The following HIKESHI variants were observed in gnomAD, a reference collection of about 807,000 sequenced individuals.
The protein encoded by HIKESHI is protein Hikeshi.
In HIKESHI, 13 loss-of-function variants were observed where a neutral mutation model predicts 25.7. The ratio of observed to expected loss-of-function variants is 0.51; its 90% CI spans 0.33 to 0.80. The LOEUF (loss-of-function observed/expected upper bound fraction) is 0.80. Among genes scored for constraint, HIKESHI ranks in the 30% least tolerant of loss-of-function variants. The pLI, the probability that HIKESHI is intolerant of heterozygous loss-of-function variation, is 0.02. For synonymous variants in HIKESHI, 76 were observed against 78.7 expected (o/e 0.97, Z 0.18); for missense variants, 174 against 229.5 (o/e 0.76, Z 1.56).
At chr11:86,310,410 T>G (rs1433519880) in intron 2 of HIKESHI, among the ~76,000 whole-genome samples, 1 of 152,232 alleles carries the variant, frequency 6.6e-6, no homozygotes, top group African/African-American at 2.4e-5. Flanking sequence ...TTTTGCACAT[T>G]GATTTTGTAT....
chr11:86,328,694 G>A (rs1291309518), intron 2 of HIKESHI, among the ~76,000 whole-genome samples: 6 of 151,768 alleles, frequency 4.0e-5, no homozygotes, highest in African/African-American at 7.3e-5. Flanking sequence ...CTCCTGCCTC[G>A]GGCTTCCAAA....
intron 2 of HIKESHI, among the ~76,000 whole-genome samples, chr11:86,330,761 A>C (rs1947400769): frequency 6.6e-6 from 1 of 152,140 alleles, no homozygotes; most frequent in Non-Finnish European, 1.5e-5. Context: ...TACTTTTTGA[A>C]ATTTTTTTTC....
chr11:86,329,499 G>A (rs1947366312), intron 2 of HIKESHI, among the ~76,000 whole-genome samples: 1 of 151,636 alleles, frequency 6.6e-6, no homozygotes, highest in African/African-American at 2.4e-5. Flanking sequence ...GTAGCTTTAG[G>A]ATTTTCTGTA....
At chr11:86,307,428 G>A (rs566852291) in intron 2 of HIKESHI, among the ~76,000 whole-genome samples, 509 of 133,308 alleles carry the variant, frequency 3.8e-3, no homozygotes, top group African/African-American at 0.013. Flanking sequence ...ATTATGTGTA[G>A]TATACATTAT....
chr11:86,332,240 A>C (rs987238120), intron 2 of HIKESHI, among the ~76,000 whole-genome samples: 2 of 152,120 alleles, frequency 1.3e-5, no homozygotes, highest in African/African-American at 4.8e-5. Context: ...CTGGGATTAC[A>C]GGCGTGAGCC....
intron 2 of HIKESHI, among the ~76,000 whole-genome samples, chr11:86,321,001 C>T (rs1483628052): frequency 1.3e-5 from 2 of 151,364 alleles, no homozygotes; most frequent in Non-Finnish European, 2.9e-5. Flanking sequence ...ATGGTGTGAT[C>T]TCGGCTCACT....
chr11:86,311,647 A>T (rs963896673), intron 2 of HIKESHI, among the ~76,000 whole-genome samples: 1 of 151,706 alleles, frequency 6.6e-6, no homozygotes, highest in African/African-American at 2.4e-5. Flanking sequence ...TTTAATTGTG[A>T]CGTTAGGGTG....
At chr11:86,302,563 G>C (rs1202670154) in intron 1 of HIKESHI, 85 bp downstream of exon 1, 2 of 1,467,688 alleles carry the variant, frequency 1.4e-6, no homozygotes, top group Non-Finnish European at 1.9e-6. Context: ...CAGGCGCTAG[G>C]GATGCGGGGA....
At chr11:86,314,681 T>A (rs1459809733) in intron 2 of HIKESHI, among the ~76,000 whole-genome samples, 1 of 152,076 alleles carries the variant, frequency 6.6e-6, no homozygotes, top group East Asian at 1.9e-4. Flanking sequence ...AGCTAAAAAT[T>A]GTTTAGAATT....
At chr11:86,308,839 G>A (rs1946756132) in intron 2 of HIKESHI, among the ~76,000 whole-genome samples, 1 of 151,874 alleles carries the variant, frequency 6.6e-6, no homozygotes, top group South Asian at 2.1e-4. Flanking sequence ...CTGTCCTTGC[G>A]ATAGTTTGCT....
intron 3 of HIKESHI, among the ~76,000 whole-genome samples, chr11:86,340,168 G>C (rs1947687363): frequency 6.6e-6 from 1 of 152,146 alleles, no homozygotes; most frequent in African/African-American, 2.4e-5. Flanking sequence ...CATTTGGGTT[G>C]GTTCCAAGTT....
rs191368699 is a variant in HIKESHI at position 86,302,975 on chromosome 11, C to T, written c.30+497C>T. Among the ~76,000 whole-genome samples the T allele has an allele frequency of 8.7e-4, 132 of 152,146 alleles. 1 individual carries two copies. In the Middle Eastern group the frequency reaches 0.034, roughly 39 times the overall value. On this transcript the variant is annotated intron_variant, in intron 1 of 4. Transcript: ENST00000278483. ...CTCAGGGAATGTATATCTTTTGGGT[C>T]CCTTTGGAAGAACCCGAGTAAAAAT...
chr11:86,333,546 C>CA (rs1298170800), intron 2 of HIKESHI, among the ~76,000 whole-genome samples: 13 of 115,060 alleles, frequency 1.1e-4, no homozygotes, highest in African/African-American at 4.7e-4. Context: ...ACAACAACAA[C>CA]AACAAACAAA....
intron 2 of HIKESHI, among the ~76,000 whole-genome samples, chr11:86,313,030 T>C (rs550839269): frequency 2.6e-5 from 4 of 152,276 alleles, no homozygotes; most frequent in African/African-American, 9.6e-5. Context: ...CTGACAATTA[T>C]GTGTCTTGGA....
At position 86,344,696 on chromosome 11, in the gene HIKESHI, A is replaced by T. The variant is rs373031648; in HGVS notation, c.514A>T (p.Ile172Phe). Residue 172 changes from isoleucine to phenylalanine, a missense_variant, in exon 4 of 5, where the codon ATT (isoleucine) becomes TTT (phenylalanine). Transcript: ENST00000278483. ...GACACCAAGCCCATCTGAAATGTTC[A>T]TTCCGGCAAATGTGGTTCTGAAATG... ...QMTPSPSEMFIPANVVLKWYE... is the reference protein window; with the variant it reads ...QMTPSPSEMFFPANVVLKWYE... 2.5e-6 allele frequency: 4 copies of T among 1,609,528 alleles called. No individual in the cohort carries two copies. The highest frequency in any genetic ancestry group is 3.4e-6 in the Non-Finnish European group (4 of 1,176,022).
intron 3 of HIKESHI, among the ~76,000 whole-genome samples, chr11:86,343,325 T>C (rs746967947): frequency 2.3e-4 from 34 of 147,910 alleles, no homozygotes; most frequent in Admixed American, 4.7e-4. Flanking sequence ...TTTTTTTTCC[T>C]AATATTGATC....
chr11:86,326,434 G>T, intron 2 of HIKESHI: 1 of 452,642 alleles, frequency 2.2e-6, no homozygotes, highest in Non-Finnish European at 4.4e-6. Context: ...AGTTACTTTC[G>T]GCCTTTCTGT....
chr11:86,333,934 T>C (rs1278971909), intron 2 of HIKESHI, among the ~76,000 whole-genome samples: 1 of 150,856 alleles, frequency 6.6e-6, no homozygotes, highest in Non-Finnish European at 1.5e-5. Flanking sequence ...GGTATTATAT[T>C]ATGGCAATGT....
intron 2 of HIKESHI, among the ~76,000 whole-genome samples, chr11:86,325,178 A>G (rs1947242061): frequency 6.6e-6 from 1 of 150,850 alleles, no homozygotes. Flanking sequence ...ACCCTGTCTC[A>G]AAAAAAAAGG....
Sources: gnomAD v4.1 joint callset for allele counts (sites outside exome capture counted in the v4.1 genomes callset) on GRCh38, gnomAD v4.1.1 for gene constraint, MANE v1.5 for transcripts, NCBI Gene and HGNC (gene_info 2026-07-23, HGNC 2026-07-21) for gene names.